Variants in EBF1 observed in about 807,000 individuals in gnomAD.
EBF1 encodes the protein transcription factor COE1.
EBF1 carries 10 observed loss-of-function variants against 68.4 expected under a neutral mutation model. That is an observed-to-expected ratio of 0.15 (90% CI 0.09 to 0.25). The LOEUF is 0.25. EBF1 is among the 10% of genes least tolerant of loss of function. EBF1 has a pLI of 1.00. For missense variants in EBF1, 509 were observed against 794.4 expected, an observed-to-expected ratio of 0.64 and a Z score of 4.32; for synonymous variants, 298 against 299.8, an observed-to-expected ratio of 0.99 and a Z score of 0.06.
intron 6 of EBF1, among the ~76,000 whole-genome samples, chr5:159,039,676 G>A (rs150966857): frequency 1.4e-3 from 207 of 152,278 alleles, no homozygotes; most frequent in Middle Eastern, 6.8e-3. Context: ...TATTAAAAGC[G>A]GTTTTGTCAT....
intron 4 of EBF1, among the ~76,000 whole-genome samples, chr5:159,093,753 A>T (rs950860101): frequency 6.6e-6 from 1 of 152,112 alleles, no homozygotes. Flanking sequence ...CTTAAAATAA[A>T]ATTTTGAGGA....
intron 9 of EBF1, among the ~76,000 whole-genome samples, chr5:158,783,517 T>G (rs1014229222): frequency 1.3e-5 from 2 of 152,204 alleles, no homozygotes. Context: ...TATGTGGCAG[T>G]AAGATGAAAC....
chr5:158,952,439 C>T (rs182085317), intron 6 of EBF1, among the ~76,000 whole-genome samples: 7 of 152,136 alleles, frequency 4.6e-5, no homozygotes, highest in Admixed American at 4.6e-4. Flanking sequence ...TTTTGTCCTC[C>T]TGGTACAGTG....
intron 6 of EBF1, among the ~76,000 whole-genome samples, chr5:158,848,102 C>T (rs879823828): frequency 6.6e-6 from 1 of 152,188 alleles, no homozygotes; most frequent in Non-Finnish European, 1.5e-5. Flanking sequence ...TTGCATGTAT[C>T]AGTTTACTCT....
intron 15 of EBF1, among the ~76,000 whole-genome samples, chr5:158,701,959 C>A (rs962460580): frequency 6.6e-6 from 1 of 152,074 alleles, no homozygotes; most frequent in African/African-American, 2.4e-5. Flanking sequence ...TCTTCATGTA[C>A]CCTACTTGGG....
At chr5:159,094,290 C>T (rs1375695216) in intron 4 of EBF1, among the ~76,000 whole-genome samples, 2 of 150,700 alleles carry the variant, frequency 1.3e-5, no homozygotes, top group Admixed American at 6.6e-5. Flanking sequence ...GTGATTTACT[C>T]TGAGCAATCA....
chr5:158,755,266 G>A (rs930215623), intron 10 of EBF1, among the ~76,000 whole-genome samples: 3 of 151,936 alleles, frequency 2.0e-5, no homozygotes, highest in Non-Finnish European at 4.4e-5. Flanking sequence ...CACATTTAAA[G>A]TAATCTTTCC....
chr5:158,909,606 T>C (rs1409447813), intron 6 of EBF1, among the ~76,000 whole-genome samples: 3 of 152,140 alleles, frequency 2.0e-5, no homozygotes, highest in Non-Finnish European at 2.9e-5. Context: ...ACAGGGGCAC[T>C]GGCCATTATG....
chr5:158,970,410 A>C (rs1216314806), intron 6 of EBF1, among the ~76,000 whole-genome samples: 4 of 152,222 alleles, frequency 2.6e-5, no homozygotes, highest in Admixed American at 2.6e-4. Context: ...TGTGAAAAGG[A>C]GTGTTTATGC....
intron 6 of EBF1, among the ~76,000 whole-genome samples, chr5:158,881,941 G>A (rs1359875557): frequency 2.0e-5 from 3 of 152,188 alleles, no homozygotes; most frequent in Admixed American, 6.5e-5. Context: ...AGGGCTATGT[G>A]TCTTTGACTT....
rs534903838 is a variant in EBF1, at chr5:158,920,224, C to A, written c.555-80114G>T. ...AATGTAATCTTCTTAACAATCCTATCAGGTATCATGATTGAGGTGAGGATG... is the reference window on the plus strand; with the variant it reads ...AATGTAATCTTCTTAACAATCCTATAAGGTATCATGATTGAGGTGAGGATG... On this transcript the variant is annotated intron_variant, in intron 6 of 15. Transcript: ENST00000313708. 6.6e-5 allele frequency among the ~76,000 whole-genome samples: 10 copies of A among 152,184 alleles called. No individual in the cohort carries two copies. The East Asian group carries it at 1.4e-3, about 21-fold the overall frequency.
intron 6 of EBF1, among the ~76,000 whole-genome samples, chr5:159,015,662 G>A (rs151219391): frequency 6.6e-5 from 10 of 152,236 alleles, no homozygotes; most frequent in African/African-American, 1.7e-4. Context: ...AACTTCAGTG[G>A]GTTTTCTCCC....
chr5:158,762,528 T>C (rs1042499626), intron 10 of EBF1, among the ~76,000 whole-genome samples: 1 of 152,058 alleles, frequency 6.6e-6, no homozygotes, highest in Admixed American at 6.6e-5. Flanking sequence ...CAATCTTGAT[T>C]TTTTGTTTTG....
chr5:158,852,994 C>T (rs772871989), intron 6 of EBF1, among the ~76,000 whole-genome samples: 5 of 152,012 alleles, frequency 3.3e-5, no homozygotes, highest in Non-Finnish European at 7.4e-5. Context: ...TGATCTAATC[C>T]AGATATTCTT....
At chr5:158,776,060 T>TGCTG (rs1215126636) in intron 10 of EBF1, among the ~76,000 whole-genome samples, 1 of 152,124 alleles carries the variant, frequency 6.6e-6, no homozygotes, top group African/African-American at 2.4e-5. Flanking sequence ...ACTAACAAAG[T>TGCTG]GCTGACTTTG....
chr5:158,759,858 T>C (rs1347818121), intron 10 of EBF1, among the ~76,000 whole-genome samples: 1 of 152,098 alleles, frequency 6.6e-6, no homozygotes, highest in Non-Finnish European at 1.5e-5. Context: ...AGAAAATGCC[T>C]GGAACATAAT....
At chr5:158,779,046 A>G (rs1357383502) in intron 9 of EBF1, among the ~76,000 whole-genome samples, 1 of 152,160 alleles carries the variant, frequency 6.6e-6, no homozygotes, top group Non-Finnish European at 1.5e-5. Context: ...AGAGAATAAG[A>G]AGAAAGAGGC....
chr5:158,948,895 A>G (rs750970714), intron 6 of EBF1, among the ~76,000 whole-genome samples: 10 of 152,212 alleles, frequency 6.6e-5, no homozygotes, highest in Non-Finnish European at 8.8e-5. Context: ...TAATTATACA[A>G]TGAAAACTCT....
In EBF1 at chr5:158,829,265, G is replaced by A. The variant is rs1003442953; in HGVS notation, c.637-5948C>T. Among the ~76,000 whole-genome samples the A allele has an allele frequency of 3.3e-5, 5 of 151,842 alleles. No homozygotes were observed. The South Asian group carries it at 6.2e-4, about 19-fold the overall frequency. Reference sequence around the variant, plus strand: ...GATCTCAGCTTACTGCAACCTCTGCGTCCCGGGCTCAACTGGTCCTCCCAC... The same window carrying A: ...GATCTCAGCTTACTGCAACCTCTGCATCCCGGGCTCAACTGGTCCTCCCAC... On this transcript the variant is annotated intron_variant, in intron 7 of 15. Transcript: ENST00000313708.
Sources: gnomAD v4.1 joint callset for allele counts (sites outside exome capture counted in the v4.1 genomes callset) on GRCh38, gnomAD v4.1.1 for gene constraint, MANE v1.5 for transcripts, NCBI Gene and HGNC (gene_info 2026-07-23, HGNC 2026-07-21) for gene names.